Variants in XKR4 observed in about 807,000 individuals in gnomAD.
The protein encoded by XKR4 is XK related 4, also known as XK-related protein 4.
XKR4 carries 12 observed loss-of-function variants against 53.9 expected under a neutral mutation model. The observed-to-expected ratio is 0.22, with a 90% confidence interval of 0.14 to 0.36. The LOEUF is 0.36. XKR4 is among the 10% of genes least tolerant of loss of function. XKR4 has a pLI of 1.00. For synonymous variants in XKR4, 354 were observed against 362.4 expected (o/e 0.98, Z 0.26); for missense variants, 799 against 859.5 (o/e 0.93, Z 0.88).
intron 1 of XKR4, among the ~76,000 whole-genome samples, chr8:55,173,596 T>G (rs1817192456): frequency 6.6e-6 from 1 of 152,182 alleles, no homozygotes; most frequent in South Asian, 2.1e-4. Flanking sequence ...GACAGTGTTT[T>G]CCTCATCTCT....
intron 2 of XKR4, among the ~76,000 whole-genome samples, chr8:55,414,898 C>T (rs1456200531): frequency 6.6e-6 from 1 of 152,114 alleles, no homozygotes; most frequent in African/African-American, 2.4e-5. Context: ...TCAAAGTAGA[C>T]GCCACATTTT....
At chr8:55,289,708 A>C (rs1374820257) in intron 1 of XKR4, among the ~76,000 whole-genome samples, 4 of 105,520 alleles carry the variant, frequency 3.8e-5, no homozygotes, top group Non-Finnish European at 6.8e-5. Context: ...AAAGAAAGAA[A>C]GAAAGAGAGA....
At chr8:55,400,934 G>A (rs1183606088) in intron 2 of XKR4, among the ~76,000 whole-genome samples, 1 of 152,186 alleles carries the variant, frequency 6.6e-6, no homozygotes, top group Non-Finnish European at 1.5e-5. Context: ...ACATCTTAAA[G>A]GCAGACACAG....
At chr8:55,369,169 C>T (rs1010062794) in intron 2 of XKR4, among the ~76,000 whole-genome samples, 6 of 151,702 alleles carry the variant, frequency 4.0e-5, no homozygotes, top group African/African-American at 9.7e-5. Flanking sequence ...TGAGACCAGC[C>T]TGAGCAACAC....
rs1234561880 is a variant in XKR4 at position 55,528,694 on chromosome 8, G to C, written c.*4467G>C. 2 of 152,154 alleles carry C rather than the reference G, an allele frequency of 1.3e-5. No individual in the cohort carries two copies. Among genetic ancestry groups the C allele is most frequent in the East Asian group, 3.9e-4 (2 of 5,194 alleles). The allele number at this position is 152,154 out of a possible 1,614,324, so 9.4% of individuals were successfully genotyped here. On this transcript the variant is annotated 3_prime_UTR_variant, in exon 3 of 3. Coordinates refer to ENST00000327381, the MANE Select transcript of XKR4 (RefSeq NM_052898.2). The stretch of plus-strand genomic sequence containing the variant: ...CGCATGGTGAAAACACAGGAGGACT[G>C]GGGTGGTCATTCCTATAATTTCAGT...
chr8:55,197,347 C>T (rs1292506936), intron 1 of XKR4, among the ~76,000 whole-genome samples: 1 of 152,160 alleles, frequency 6.6e-6, no homozygotes, highest in African/African-American at 2.4e-5. Flanking sequence ...CGTCCTTAAC[C>T]ACATCAGCTG....
At chr8:55,433,743 A>G (rs1321926912) in intron 2 of XKR4, among the ~76,000 whole-genome samples, 6 of 152,260 alleles carry the variant, frequency 3.9e-5, no homozygotes, top group African/African-American at 1.4e-4. Flanking sequence ...GAAGGGTTGC[A>G]GAGCAAGAAT....
At chr8:55,194,095 T>A (rs1817476508) in intron 1 of XKR4, among the ~76,000 whole-genome samples, 1 of 152,204 alleles carries the variant, frequency 6.6e-6, no homozygotes. Flanking sequence ...GCTCCATCAG[T>A]GAGCCACTCT....
chr8:55,266,608 G>A (rs2129371827), intron 1 of XKR4, among the ~76,000 whole-genome samples: 1 of 152,300 alleles, frequency 6.6e-6, no homozygotes, highest in Middle Eastern at 3.4e-3. Context: ...GATGTACATG[G>A]AGAGGGAGGG....
intron 2 of XKR4, among the ~76,000 whole-genome samples, chr8:55,373,936 G>A (rs1003325312): frequency 6.6e-6 from 1 of 152,172 alleles, no homozygotes; most frequent in African/African-American, 2.4e-5. Flanking sequence ...GATTTCAAGT[G>A]TACAAATGCT....
chr8:55,102,840 G>T lies in XKR4; in HGVS notation c.352G>T (p.Ala118Ser). The T allele has an allele frequency of 6.2e-7, 1 of 1,611,002 alleles. No individual in the cohort carries two copies. The highest frequency in any genetic ancestry group is 8.5e-7 in the Non-Finnish European group (1 of 1,179,874). ...GTGGGACTGCCTCTGGATCCTGGCC[G>T]CCGTGGCCGTGTACTTCGCGGACGT... ...SLWDCLWILA[A>S]VAVYFADVGT... The change falls in exon 1 of 3, where the codon GCC (alanine) becomes TCC (serine). Residue 118 changes from alanine (A) to serine (S), a missense_variant. Ala to Ser is a moderately conservative substitution (Grantham distance 99). This residue lies in a region of XKR4 where 476 missense variants were observed against 505.4 expected (regional missense o/e 0.94). Transcript: ENST00000327381. This position sits in a 1 kb window ranked among gnomAD's most constrained non-coding sequence, Gnocchi z 5.1.
rs1180476890 is a variant in XKR4, at chr8:55,527,499, A to G, written c.*3272A>G. ...ATATGAAACCATGTTTAATGAATAT[A>G]TATAATGTGTGTGTGTGTATCTTAA... On this transcript the variant is annotated 3_prime_UTR_variant, in exon 3 of 3. Coordinates refer to ENST00000327381, the MANE Select transcript of XKR4 (RefSeq NM_052898.2). 1 of 152,338 alleles carries G rather than the reference A, an allele frequency of 6.6e-6. No individual in the cohort carries two copies. The allele number at this position is 152,338 out of a possible 1,614,324, so 9.4% of individuals were successfully genotyped here.
intron 1 of XKR4, among the ~76,000 whole-genome samples, chr8:55,282,795 A>G (rs1818860270): frequency 6.6e-6 from 1 of 152,218 alleles, no homozygotes; most frequent in South Asian, 2.1e-4. Flanking sequence ...ACTGTATAGT[A>G]ATGGCCTAGG....
chr8:55,248,589 G>T (rs1818321146), intron 1 of XKR4, among the ~76,000 whole-genome samples: 1 of 152,012 alleles, frequency 6.6e-6, no homozygotes, highest in African/African-American at 2.4e-5. Flanking sequence ...ACTTCTCAAA[G>T]TACTCATATA....
Position 55,527,811 on chromosome 8 carries a change from G to A in XKR4, c.*3584G>A, listed in dbSNP as rs556407985. 1 of 152,220 alleles carries A rather than the reference G, an allele frequency of 6.6e-6. No individual in the cohort carries two copies. The highest frequency in any genetic ancestry group is 1.5e-5 in the Non-Finnish European group (1 of 67,988). 9.4% of individuals were successfully genotyped at this position (152,220 alleles called of 1,614,324 possible). ...AATCTGAGGATAAAAGTAAAATGAA[G>A]TATTTTATGGTTAATTTCTAAATGC... is the stretch of plus-strand genomic sequence containing the variant. On this transcript the variant is annotated 3_prime_UTR_variant, in exon 3 of 3. Coordinates refer to ENST00000327381, the MANE Select transcript of XKR4 (RefSeq NM_052898.2).
intron 1 of XKR4, among the ~76,000 whole-genome samples, chr8:55,205,338 A>G (rs929410760): frequency 8.0e-5 from 12 of 150,610 alleles, no homozygotes; most frequent in African/African-American, 3.0e-4. Context: ...ATTTGTTGTC[A>G]TAAAATTAGA....
intron 1 of XKR4, among the ~76,000 whole-genome samples, chr8:55,335,402 T>C (rs1585526391): frequency 6.6e-6 from 1 of 152,196 alleles, no homozygotes; most frequent in Admixed American, 6.5e-5. Context: ...TATCTATAGA[T>C]CTTAAAAACA....
rs1807070549 is a variant in XKR4, at chr8:55,539,287, C to A, written c.*15060C>A. ...TTCATGAGGCAAAGTTGTTGTACAT[C>A]AATATTATCATTGTGCCCTTATTTA... is the stretch of plus-strand genomic sequence containing the variant. On this transcript the variant is annotated 3_prime_UTR_variant, in exon 3 of 3. Coordinates refer to ENST00000327381, the MANE Select transcript of XKR4 (RefSeq NM_052898.2). 6.6e-6 allele frequency: 1 copy of A among 152,066 alleles called. No individual in the cohort carries two copies. Among genetic ancestry groups the A allele is most frequent in the African/African-American group, 2.4e-5 (1 of 41,408 alleles). The allele number at this position is 152,066 out of a possible 1,614,324, so 9.4% of individuals were successfully genotyped here.
chr8:55,378,823 T>C (rs145657947), intron 2 of XKR4, among the ~76,000 whole-genome samples: 167 of 152,346 alleles, frequency 1.1e-3, no homozygotes, highest in Middle Eastern at 3.4e-3. Context: ...TTTCTCATCA[T>C]CTAATATTTT....
Sources: allele counts gnomAD v4.1 joint callset (sites outside exome capture counted in the v4.1 genomes callset), GRCh38; gene constraint gnomAD v4.1.1; regional missense constraint gnomAD v4.1.1; non-coding constraint Gnocchi (gnomAD v3.1); transcripts MANE v1.5; gene names NCBI Gene and HGNC (gene_info 2026-07-23, HGNC 2026-07-21).